The following ITGB3BP variants were observed in gnomAD, a reference collection of about 807,000 sequenced individuals.
ITGB3BP encodes integrin subunit beta 3 binding protein.
A neutral mutation model predicts 29.1 loss-of-function variants in ITGB3BP; 27 were observed. The ratio of observed to expected loss-of-function variants is 0.93; its 90% confidence interval spans 0.68 to 1.28. The LOEUF (loss-of-function observed/expected upper bound fraction) is 1.28, where lower values mean the gene tolerates loss of function less well. ITGB3BP is among the 50% of genes most tolerant of loss of function. ITGB3BP has a pLI of 0.00. For missense variants in ITGB3BP, 192 were observed against 200.2 expected, an observed-to-expected ratio of 0.96 and a Z score of 0.25; for synonymous variants, 61 against 61.4, an observed-to-expected ratio of 0.99 and a Z score of 0.03.
At chr1:63,444,406 A>G (rs150796488) in intron 8 of ITGB3BP, among the ~76,000 whole-genome samples, 1,989 of 149,594 alleles carry the variant, frequency 0.013, 27 homozygotes, top group Non-Finnish European at 0.021. Flanking sequence ...ATGAATGAAT[A>G]TAAGTGTATG....
chr1:63,481,678 C>G (rs377707380), intron 3 of ITGB3BP, among the ~76,000 whole-genome samples: 40 of 152,276 alleles, frequency 2.6e-4, no homozygotes, highest in African/African-American at 8.9e-4. Context: ...AGCTCTTTCC[C>G]TAACAAATGA....
At chr1:63,451,039 T>G (rs2100489578) in intron 7 of ITGB3BP, among the ~76,000 whole-genome samples, 1 of 152,056 alleles carries the variant, frequency 6.6e-6, no homozygotes, top group South Asian at 2.1e-4. Context: ...ATAAAGACTG[T>G]AACTGACATT....
At chr1:63,484,179 C>T (rs1285776167) in intron 3 of ITGB3BP, among the ~76,000 whole-genome samples, 2 of 152,110 alleles carry the variant, frequency 1.3e-5, no homozygotes, top group African/African-American at 4.8e-5. Context: ...CTAAACAATA[C>T]AGTATAACAA....
At chr1:63,443,118 T>C (rs1214674053) in intron 8 of ITGB3BP, 1 of 152,288 alleles carries the variant, frequency 6.6e-6, no homozygotes, top group Non-Finnish European at 1.5e-5. Flanking sequence ...GAATAATCAC[T>C]GAAGTGTGAC....
At chr1:63,486,977 T>C (rs986268368) in intron 3 of ITGB3BP, among the ~76,000 whole-genome samples, 3 of 152,102 alleles carry the variant, frequency 2.0e-5, no homozygotes, top group African/African-American at 7.2e-5. Flanking sequence ...GAGTTAATTT[T>C]ATGCAGTTAT....
At chr1:63,462,414 TA>T in intron 4 of ITGB3BP, among the ~76,000 whole-genome samples, 1 of 152,336 alleles carries the variant, frequency 6.6e-6, no homozygotes, top group South Asian at 2.1e-4. Flanking sequence ...TGTCTTCAAA[TA>T]AAGATTGTTT....
In ITGB3BP at chr1:63,497,929, T is replaced by C. The variant is rs112463843; in HGVS notation, c.49-7711A>G. Among the ~76,000 whole-genome samples the C allele has an allele frequency of 2.5e-4, 28 of 112,992 alleles. No individual in the cohort carries two copies. In the East Asian group the frequency reaches 6.3e-3, roughly 25 times the overall value. 74.1% of individuals were successfully genotyped at this position (112,992 alleles called of 152,430 possible). On this transcript the variant is annotated intron_variant, in intron 2 of 8. Coordinates refer to ENST00000271002, the MANE Select transcript of ITGB3BP (RefSeq NM_014288.5). Reference sequence around the variant, plus strand: ...TAACACATGCTTTTCCTTTCCCCCTTTTTCTTTTTTCCAAGAAAATACAAT... The same window carrying C: ...TAACACATGCTTTTCCTTTCCCCCTCTTTCTTTTTTCCAAGAAAATACAAT...
At chr1:63,493,099 C>T (rs916206847) in intron 2 of ITGB3BP, among the ~76,000 whole-genome samples, 18 of 150,892 alleles carry the variant, frequency 1.2e-4, no homozygotes, top group Admixed American at 4.0e-4. Context: ...CGCGCGCGCG[C>T]GCAAGAAAAT....
chr1:63,522,772 T>C (rs150857054), intron 1 of ITGB3BP, among the ~76,000 whole-genome samples: 43 of 152,274 alleles, frequency 2.8e-4, no homozygotes, highest in Middle Eastern at 3.4e-3. Context: ...CGCGCCACAT[T>C]AATGAAGGCA....
chr1:63,489,400 A>C (rs2100672220), intron 3 of ITGB3BP, among the ~76,000 whole-genome samples: 1 of 136,608 alleles, frequency 7.3e-6, no homozygotes, highest in East Asian at 2.3e-4. Context: ...CTGATTCATA[A>C]CCTTTCTCAA....
intron 2 of ITGB3BP, among the ~76,000 whole-genome samples, chr1:63,503,910 C>A (rs1233070458): frequency 6.6e-6 from 1 of 152,066 alleles, no homozygotes; most frequent in Non-Finnish European, 1.5e-5. Context: ...GTTTTGGTTA[C>A]TGTAGCCTTG....
intron 1 of ITGB3BP, among the ~76,000 whole-genome samples, chr1:63,521,205 C>G (rs577541945): frequency 6.6e-6 from 1 of 151,852 alleles, no homozygotes; most frequent in Non-Finnish European, 1.5e-5. Flanking sequence ...GCATATGTAA[C>G]TTGCCAAGAT....
intron 3 of ITGB3BP, among the ~76,000 whole-genome samples, chr1:63,487,735 T>G (rs993581747): frequency 6.6e-6 from 1 of 152,126 alleles, no homozygotes; most frequent in Non-Finnish European, 1.5e-5. Context: ...TGGTCATTTG[T>G]TGAACAAAAC....
chr1:63,478,773 T>C lies in ITGB3BP; in HGVS notation c.245A>G (p.Asp82Gly). 1 of 1,450,100 alleles carries C rather than the reference T, an allele frequency of 6.9e-7. No homozygotes were observed. Among genetic ancestry groups the C allele is most frequent in the Non-Finnish European group, 9.4e-7 (1 of 1,068,082 alleles). The allele number at this position is 1,450,100 out of a possible 1,614,324, so 89.8% of individuals were successfully genotyped here. Residue 82 changes from aspartate to glycine, a missense_variant, in exon 4 of 9, where the codon GAC becomes GGC. Physicochemically the swap from Asp to Gly is moderately conservative, Grantham distance 94. Transcript: ENST00000271002. ...LTESKESTTK[D>G]NDEFMMLLSK... The stretch of plus-strand genomic sequence containing the variant: ...AAAATAACAAACTTACTCATCATTG[T>C]CTTTTGTTGTAGATTCTTTGCTTTC...
At chr1:63,488,934 T>C (rs922734306) in intron 3 of ITGB3BP, among the ~76,000 whole-genome samples, 1 of 152,198 alleles carries the variant, frequency 6.6e-6, no homozygotes, top group Non-Finnish European at 1.5e-5. Context: ...GCAAAAGGAA[T>C]GTCCCCTTAA....
intron 4 of ITGB3BP, among the ~76,000 whole-genome samples, chr1:63,478,163 GCAAC>G (rs1645373365): frequency 1.3e-5 from 2 of 152,190 alleles, no homozygotes; most frequent in Non-Finnish European, 2.9e-5. Flanking sequence ...CAGGACAGAG[GCAAC>G]CATTCATTTT....
At chr1:63,528,687 C>T (rs1396585052) in intron 2 of ITGB3BP, among the ~76,000 whole-genome samples, 1 of 151,850 alleles carries the variant, frequency 6.6e-6, no homozygotes, top group Non-Finnish European at 1.5e-5. Flanking sequence ...TACTATGTAT[C>T]TCCAAAAATT....
intron 2 of ITGB3BP, among the ~76,000 whole-genome samples, chr1:63,496,318 C>T (rs780739706): frequency 2.6e-5 from 4 of 151,922 alleles, no homozygotes; most frequent in Non-Finnish European, 5.9e-5. Context: ...ATCTCAAACT[C>T]CTGAGCTCAA....
chr1:63,448,250 A>G (rs1283405294), intron 7 of ITGB3BP, among the ~76,000 whole-genome samples: 1 of 150,238 alleles, frequency 6.7e-6, no homozygotes, highest in Admixed American at 6.6e-5. Flanking sequence ...TAATGGGTGC[A>G]GCACACCAGC....
Sources: gnomAD v4.1 joint callset for allele counts (sites outside exome capture counted in the v4.1 genomes callset) on GRCh38, gnomAD v4.1.1 for gene constraint, MANE v1.5 for transcripts, NCBI Gene and HGNC (gene_info 2026-07-23, HGNC 2026-07-21) for gene names.